The following ACVR2A variants were observed in gnomAD, a reference collection of about 807,000 sequenced individuals.
ACVR2A encodes the protein activin receptor type-2A.
In ACVR2A, 7 loss-of-function variants were observed where a neutral mutation model predicts 61.4. That is an observed-to-expected ratio of 0.11 (90% CI 0.06 to 0.21). The LOEUF (loss-of-function observed/expected upper bound fraction) is 0.21. Ranked by LOEUF, ACVR2A falls within the 10% of genes least tolerant of loss-of-function variation. ACVR2A has a pLI of 1.00. For missense variants in ACVR2A, 322 were observed against 621.7 expected (o/e 0.52, Z 5.13); for synonymous variants, 193 against 208.3 (o/e 0.93, Z 0.63).
At chr2:147,852,179 G>A (rs947108473) in intron 1 of ACVR2A, among the ~76,000 whole-genome samples, 1 of 152,094 alleles carries the variant, frequency 6.6e-6, no homozygotes, top group Non-Finnish European at 1.5e-5. Context: ...TTTTTTGACT[G>A]TAATACACAA....
intron 1 of ACVR2A, among the ~76,000 whole-genome samples, chr2:147,882,528 T>A (rs1476233064): frequency 6.6e-6 from 1 of 152,168 alleles, no homozygotes; most frequent in East Asian, 1.9e-4. Flanking sequence ...CACTCCAGCC[T>A]GAACAACAGA....
In ACVR2A at chr2:147,886,401, T is replaced by G. The variant is rs527448134; in HGVS notation, c.56-9900T>G. On this transcript the variant is annotated intron_variant, in intron 1 of 10. Coordinates refer to ENST00000241416, the MANE Select transcript of ACVR2A (RefSeq NM_001616.5). ...GAGATTGTTTCATACCTCTTTATAC[T>G]GTTTCTCAATGACTTTTTGATGATT... Among the ~76,000 whole-genome samples the G allele has an allele frequency of 9.2e-5, 14 of 152,346 alleles. No homozygotes were observed. In the South Asian group the frequency reaches 2.9e-3, roughly 32 times the overall value.
chr2:147,920,193 G>C (rs1324561082), intron 7 of ACVR2A, 37 bp from the exon 8 acceptor site: 2 of 1,470,350 alleles, frequency 1.4e-6, no homozygotes, highest in African/African-American at 1.4e-5. Flanking sequence ...AAGGTAACTA[G>C]TTTAAACTTA....
intron 4 of ACVR2A, among the ~76,000 whole-genome samples, chr2:147,904,976 A>C (rs1365374894): frequency 6.6e-6 from 1 of 152,032 alleles, no homozygotes; most frequent in Non-Finnish European, 1.5e-5. Flanking sequence ...GTTTATGAAC[A>C]CATCTCTTTC....
chr2:147,906,506 G>A (rs911485534), intron 4 of ACVR2A, among the ~76,000 whole-genome samples: 5 of 152,256 alleles, frequency 3.3e-5, no homozygotes, highest in African/African-American at 1.2e-4. Flanking sequence ...AAAGACTGGA[G>A]GAAGGGAGGA....
Position 147,852,044 on chromosome 2 carries a change from C to T in ACVR2A, c.55+6837C>T, listed in dbSNP as rs185046516. Among the ~76,000 whole-genome samples the T allele has an allele frequency of 2.0e-4, 30 of 151,868 alleles. No individual in the cohort carries two copies. The East Asian group carries it at 5.6e-3, about 28-fold the overall frequency. The stretch of plus-strand genomic sequence containing the variant: ...ATTTTATTAAGAAAAGATGATTTTG[C>T]TCATTGTTTTGATATCTTTAAGTTA... On this transcript the variant is annotated intron_variant, in intron 1 of 10. Transcript: ENST00000241416.
intron 1 of ACVR2A, among the ~76,000 whole-genome samples, chr2:147,876,997 G>A (rs1268728522): frequency 6.6e-6 from 1 of 151,668 alleles, no homozygotes; most frequent in African/African-American, 2.4e-5. Context: ...AGCCTTATTA[G>A]TAAAGCTGCT....
chr2:147,845,346 CCG>C (rs1558955992), intron 1 of ACVR2A, 139 bp downstream of exon 1: 1 of 428,698 alleles, frequency 2.3e-6, no homozygotes, highest in Non-Finnish European at 3.7e-6. Context: ...TCGGCTGCCA[CCG>C]CCCCCCCCCC....
intron 4 of ACVR2A, among the ~76,000 whole-genome samples, chr2:147,902,334 T>C (rs1277804005): frequency 6.6e-6 from 1 of 152,004 alleles, no homozygotes; most frequent in Non-Finnish European, 1.5e-5. Flanking sequence ...AAGGACTCTT[T>C]GACACTAAAG....
chr2:147,882,189 A>C (rs1443891366), intron 1 of ACVR2A, among the ~76,000 whole-genome samples: 3 of 152,322 alleles, frequency 2.0e-5, no homozygotes, highest in African/African-American at 7.2e-5. Context: ...TAGTCATTTA[A>C]GTGTTAACAA....
chr2:147,848,649 G>T (rs1191034312), intron 1 of ACVR2A, among the ~76,000 whole-genome samples: 2 of 152,084 alleles, frequency 1.3e-5, no homozygotes, highest in Non-Finnish European at 2.9e-5. Flanking sequence ...AGACACTGGG[G>T]TCTACTCAAG....
rs1685270186 is a variant in ACVR2A, at chr2:147,845,071, C to T, written c.-82C>T. 12 of 852,170 alleles carry T rather than the reference C, an allele frequency of 1.4e-5. No homozygotes were observed. Among genetic ancestry groups the T allele is most frequent in the Non-Finnish European group, 2.1e-5 (12 of 580,228 alleles). The allele number at this position is 852,170 out of a possible 1,614,324, so 52.8% of individuals were successfully genotyped here. A position where few individuals can be genotyped will look rare whatever the true frequency, so the allele number is the denominator to read the frequency against. ...TGTTTTATGACGGTTGATTTTACAC[C>T]AGGAGGTTTGTCTCCGAGGAAGACC... On this transcript the variant is annotated 5_prime_UTR_variant, in exon 1 of 11. Coordinates refer to ENST00000241416, the MANE Select transcript of ACVR2A (RefSeq NM_001616.5).
At chr2:147,925,283 C>T (rs969479077) in intron 9 of ACVR2A, among the ~76,000 whole-genome samples, 4 of 151,800 alleles carry the variant, frequency 2.6e-5, no homozygotes, top group African/African-American at 7.3e-5. Flanking sequence ...CCATCTTAAC[C>T]CTGTGAAGTA....
chr2:147,844,546 G>T (rs942090078), upstream of ACVR2A: 43 of 149,254 alleles, frequency 2.9e-4, no homozygotes, highest in Admixed American at 1.7e-3. Flanking sequence ...CGAGCCCGGA[G>T]CCCGGAGCTG....
At chr2:147,910,704 C>A (rs569431053) in intron 4 of ACVR2A, among the ~76,000 whole-genome samples, 1 of 152,156 alleles carries the variant, frequency 6.6e-6, no homozygotes, top group East Asian at 1.9e-4. Flanking sequence ...TAAATTTAGA[C>A]CCTTACCTAT....
At chr2:147,921,809 T>A (rs767471835) in intron 8 of ACVR2A, among the ~76,000 whole-genome samples, 1 of 152,190 alleles carries the variant, frequency 6.6e-6, no homozygotes, top group African/African-American at 2.4e-5. Context: ...GACTCATTCA[T>A]GTCATATTTT....
intron 1 of ACVR2A, among the ~76,000 whole-genome samples, chr2:147,881,643 A>G (rs62169519): frequency 0.37 from 8,469 of 22,914 alleles, 881 homozygotes; most frequent in East Asian, 0.49. Context: ...GTGTGTGTGT[A>G]TGTGTGTGTG....
chr2:147,863,687 CAG>C (rs1345893759), intron 1 of ACVR2A, among the ~76,000 whole-genome samples: 1 of 152,160 alleles, frequency 6.6e-6, no homozygotes, highest in Admixed American at 6.5e-5. Flanking sequence ...CTTGCTATCT[CAG>C]GGATGGCAGA....
chr2:147,882,436 AG>A (rs1686328044), intron 1 of ACVR2A, among the ~76,000 whole-genome samples: 1 of 152,198 alleles, frequency 6.6e-6, no homozygotes, highest in African/African-American at 2.4e-5. Context: ...CTGTAATTCC[AG>A]CCACTTGGGA....
Sources: allele counts gnomAD v4.1 joint callset (sites outside exome capture counted in the v4.1 genomes callset), GRCh38; gene constraint gnomAD v4.1.1; transcripts MANE v1.5; gene names NCBI Gene and HGNC (gene_info 2026-07-23, HGNC 2026-07-21).